The following NTRK3 variants were observed in gnomAD, a reference collection of about 807,000 sequenced individuals.
The protein encoded by NTRK3 is neurotrophic receptor tyrosine kinase 3.
In NTRK3, 24 loss-of-function variants were observed where a neutral mutation model predicts 91.7. The ratio of observed to expected loss-of-function variants is 0.26; its 90% confidence interval spans 0.19 to 0.37. The LOEUF is 0.37. NTRK3 is among the 10% of genes least tolerant of loss of function. The pLI is 1.00. For missense variants in NTRK3, 880 were observed against 1,068.9 expected (o/e 0.82, Z 2.46); for synonymous variants, 483 against 404.0 (o/e 1.20, Z -2.34).
At chr15:87,898,167 A>G (rs995828656) in intron 17 of NTRK3, among the ~76,000 whole-genome samples, 33 of 152,184 alleles carry the variant, frequency 2.2e-4, no homozygotes, top group African/African-American at 8.0e-4. Flanking sequence ...TTTTCTAAGG[A>G]CTTAGACATT....
chr15:88,037,151 C>T (rs2079145588), intron 13 of NTRK3, among the ~76,000 whole-genome samples: 1 of 152,124 alleles, frequency 6.6e-6, no homozygotes, highest in Admixed American at 6.5e-5. Context: ...AGAATAAAGC[C>T]AGACATCAGA....
rs572189843 is a variant in NTRK3 at position 87,905,034 on chromosome 15, C to A, written c.2133+24157G>T. 1.0e-3 allele frequency among the ~76,000 whole-genome samples: 154 copies of A among 152,192 alleles called. 2 individuals are homozygous for A. The highest frequency in any genetic ancestry group is 3.5e-3 in the African/African-American group (146 of 41,520). The stretch of plus-strand genomic sequence containing the variant: ...AGGGTCCCTAAAAGCAGTAAAGAAC[C>A]AAAACTTGATGAGGTAACCCTACCC... On this transcript the variant is annotated intron_variant, in intron 17 of 18. Coordinates refer to ENST00000394480, the Ensembl canonical transcript of NTRK3.
chr15:87,980,875 C>T (rs1172056753), intron 14 of NTRK3, among the ~76,000 whole-genome samples: 1 of 152,022 alleles, frequency 6.6e-6, no homozygotes, highest in Non-Finnish European at 1.5e-5. Flanking sequence ...AGACAGCATC[C>T]CTGCCCTGAC....
intron 5 of NTRK3, among the ~76,000 whole-genome samples, chr15:88,161,026 T>C (rs1018661784): frequency 6.6e-6 from 1 of 152,172 alleles, no homozygotes; most frequent in African/African-American, 2.4e-5. Context: ...AATTAATGCA[T>C]GTCAAATGCC....
At chr15:87,904,154 A>ATTTT (rs11385386) in intron 17 of NTRK3, among the ~76,000 whole-genome samples, 2 of 142,780 alleles carry the variant, frequency 1.4e-5, no homozygotes, top group African/African-American at 5.2e-5. Context: ...TACAATAAGC[A>ATTTT]TTTTTTTTTT....
chr15:87,920,924 T>C (rs1227121375), intron 17 of NTRK3, among the ~76,000 whole-genome samples: 2 of 152,182 alleles, frequency 1.3e-5, no homozygotes, highest in Non-Finnish European at 2.9e-5. Context: ...AAAATGTGCA[T>C]TAGTGGAAAA....
intron 13 of NTRK3, among the ~76,000 whole-genome samples, chr15:88,081,366 A>T (rs1196878293): frequency 2.0e-5 from 3 of 152,204 alleles, no homozygotes; most frequent in Non-Finnish European, 4.4e-5. Context: ...ACTCCCATCC[A>T]GGCCTCAGAA....
At chr15:88,145,496 T>C (rs1313319295) in intron 6 of NTRK3, among the ~76,000 whole-genome samples, 1 of 152,184 alleles carries the variant, frequency 6.6e-6, no homozygotes, top group Non-Finnish European at 1.5e-5. Context: ...ACTGGTGTAT[T>C]GATCCCAGGC....
intron 14 of NTRK3, chr15:87,946,364 T>C (rs1344824416): frequency 1.3e-5 from 2 of 152,204 alleles, no homozygotes; most frequent in African/African-American, 4.8e-5. Flanking sequence ...TCGGTGGTTA[T>C]AAATAACAGT....
intron 17 of NTRK3, 104 bp from the exon 18 acceptor site, chr15:87,885,839 G>T: frequency 2.2e-6 from 1 of 446,834 alleles, no homozygotes; most frequent in Non-Finnish European, 3.8e-6. Context: ...ACATGTTCAA[G>T]AAGCCATCAA....
At chr15:88,177,165 A>G (rs942825143) in intron 5 of NTRK3, among the ~76,000 whole-genome samples, 3 of 152,248 alleles carry the variant, frequency 2.0e-5, no homozygotes, top group Non-Finnish European at 4.4e-5. Flanking sequence ...AGAGGGAGAC[A>G]GAAACTATAT....
intron 14 of NTRK3, among the ~76,000 whole-genome samples, chr15:88,026,410 C>T (rs966478055): frequency 7.9e-5 from 12 of 152,140 alleles, no homozygotes; most frequent in African/African-American, 2.9e-4. Flanking sequence ...ATGATTCCAA[C>T]AATATGACAT....
chr15:88,225,857 C>T (rs1414929298), intron 3 of NTRK3, among the ~76,000 whole-genome samples: 4 of 152,178 alleles, frequency 2.6e-5, no homozygotes, highest in African/African-American at 9.7e-5. Flanking sequence ...GCACAGATCC[C>T]TTCCTGGGGG....
chr15:87,905,598 G>A (rs754118941), intron 17 of NTRK3, among the ~76,000 whole-genome samples: 1 of 152,102 alleles, frequency 6.6e-6, no homozygotes, highest in Non-Finnish European at 1.5e-5. Flanking sequence ...GACTGGATGA[G>A]GTCAGTCTGT....
At chr15:88,040,445 G>T in intron 13 of NTRK3, among the ~76,000 whole-genome samples, 1 of 152,194 alleles carries the variant, frequency 6.6e-6, no homozygotes, top group East Asian at 1.9e-4. Context: ...GAGGGGGAAA[G>T]AGGTGGGTCA....
intron 13 of NTRK3, among the ~76,000 whole-genome samples, chr15:88,112,090 T>C (rs1442599735): frequency 6.6e-6 from 1 of 152,042 alleles, no homozygotes. Context: ...GTATTTTTAG[T>C]AGAGACAGGG....
intron 13 of NTRK3, among the ~76,000 whole-genome samples, chr15:88,056,142 C>T (rs888344865): frequency 7.0e-6 from 1 of 143,156 alleles, no homozygotes; most frequent in African/African-American, 2.6e-5. Flanking sequence ...GTTAGGACAA[C>T]GTGGGTGAAG....
intron 5 of NTRK3, among the ~76,000 whole-genome samples, chr15:88,178,099 G>T (rs1438631416): frequency 1.3e-5 from 2 of 152,182 alleles, no homozygotes; most frequent in African/African-American, 4.8e-5. Context: ...GAAGAAGGAG[G>T]ATACTTGTGG....
At chr15:88,109,544 T>A (rs945722578) in intron 13 of NTRK3, among the ~76,000 whole-genome samples, 1 of 152,066 alleles carries the variant, frequency 6.6e-6, no homozygotes, top group African/African-American at 2.4e-5. Flanking sequence ...GGGAGCCCAA[T>A]AAAGAGAGCT....
Sources: allele counts gnomAD v4.1 joint callset (sites outside exome capture counted in the v4.1 genomes callset), GRCh38; gene constraint gnomAD v4.1.1; transcripts MANE v1.5; gene names NCBI Gene and HGNC (gene_info 2026-07-23, HGNC 2026-07-21).